GNPDA2: variants seen among roughly 807,000 people sequenced by gnomAD.
GNPDA2 encodes the protein glcN6P deaminase 2.
A neutral mutation model predicts 27.0 loss-of-function variants in GNPDA2; 24 were observed. That is an observed-to-expected ratio of 0.89 (90% CI 0.64 to 1.25). The LOEUF is 1.25. Among genes scored for constraint, GNPDA2 ranks in the 50% most tolerant of loss-of-function variants. The probability of loss-of-function intolerance (pLI) is 0.00; values close to 1 mark genes in which losing one functional copy is unlikely to be tolerated. For missense variants in GNPDA2, 286 were observed against 335.1 expected (o/e 0.85, Z 1.14); for synonymous variants, 94 against 108.4 (o/e 0.87, Z 0.83).
At chr4:44,703,352 A>G in intron 6 of GNPDA2, 1 of 1,346,154 alleles carries the variant, frequency 7.4e-7, no homozygotes, top group Non-Finnish European at 9.5e-7. Context: ...TAATTATGTA[A>G]CAGTGCAGAT....
chr4:44,716,261 G>T (rs1717275347), intron 4 of GNPDA2, among the ~76,000 whole-genome samples: 1 of 151,848 alleles, frequency 6.6e-6, no homozygotes, highest in Non-Finnish European at 1.5e-5. Flanking sequence ...CCTCAGGACA[G>T]CTCTATTGAA....
rs752482453 is a variant in GNPDA2 at position 44,703,149 on chromosome 4, G to GA, written c.770-8dup. On this transcript the variant is annotated splice_region_variant and splice_polypyrimidine_tract_variant and intron_variant, in intron 6 of 6. Transcript: ENST00000295448. The stretch of plus-strand genomic sequence containing the variant: ...TTGTGCACATGCATTAGACCTTAAA[G>GA]AAAAAAAGCACAGTTCTAGTTGTTT... 7 of 1,601,738 alleles carry GA rather than the reference G, an allele frequency of 4.4e-6. No homozygotes were observed. In the South Asian group the frequency reaches 7.9e-5, roughly 18 times the overall value.
At chr4:44,703,660 C>CT in intron 6 of GNPDA2, 1 of 984,260 alleles carries the variant, frequency 1.0e-6, no homozygotes, top group African/African-American at 1.7e-5. Context: ...GGGAGGGTTA[C>CT]TAAAACAAGA....
In GNPDA2 at chr4:44,703,205, A is replaced by T. The variant is rs564508075; in HGVS notation, c.770-63T>A. The T allele has an allele frequency of 1.8e-5, 28 of 1,556,680 alleles. No homozygotes were observed. In the African/African-American group the frequency reaches 3.2e-4, roughly 18 times the overall value. On this transcript the variant is annotated intron_variant, in intron 6 of 6. Transcript: ENST00000295448. ...AATTTTGAACTATCTCATTTACTTTAGACAACAAAGTATTTTTTATAAGAC... is the reference window on the plus strand; with the variant it reads ...AATTTTGAACTATCTCATTTACTTTTGACAACAAAGTATTTTTTATAAGAC...
chr4:44,717,849 G>T (rs528745605), intron 3 of GNPDA2, among the ~76,000 whole-genome samples: 1 of 151,848 alleles, frequency 6.6e-6, no homozygotes, highest in Admixed American at 6.6e-5. Flanking sequence ...ATGCATCACA[G>T]ATTTCAGGTA....
intron 1 of GNPDA2, among the ~76,000 whole-genome samples, chr4:44,724,628 C>A (rs1186740478): frequency 6.6e-6 from 1 of 152,106 alleles, no homozygotes; most frequent in Admixed American, 6.5e-5. Context: ...ATGGTTTCAG[C>A]ATTCCTGAGT....
At chr4:44,704,880 T>G in intron 6 of GNPDA2, 2 of 983,648 alleles carry the variant, frequency 2.0e-6, no homozygotes, top group Non-Finnish European at 2.4e-6. Context: ...ATGATGATGA[T>G]GTCATATACT....
chr4:44,718,580 G>A (rs1717464238), intron 2 of GNPDA2, among the ~76,000 whole-genome samples, 170 bp from the exon 3 acceptor site: 1 of 151,682 alleles, frequency 6.6e-6, no homozygotes, highest in Non-Finnish European at 1.5e-5. Context: ...TGAAATTTTG[G>A]TAAACCAGAA....
At chr4:44,726,236 G>C (rs554766608) in intron 1 of GNPDA2, among the ~76,000 whole-genome samples, 2 of 148,340 alleles carry the variant, frequency 1.3e-5, no homozygotes, top group African/African-American at 5.0e-5. Context: ...AGCCGCGAGA[G>C]AGGAGAGGGC....
chr4:44,705,016 A>G (rs1438964818), intron 6 of GNPDA2: 7 of 979,664 alleles, frequency 7.1e-6, no homozygotes, highest in Non-Finnish European at 8.5e-6. Context: ...ATACCGTTAT[A>G]TAGGTATATA....
intron 1 of GNPDA2, among the ~76,000 whole-genome samples, chr4:44,723,402 C>T (rs908111182): frequency 6.6e-6 from 1 of 152,152 alleles, no homozygotes; most frequent in African/African-American, 2.4e-5. Flanking sequence ...CCCACTCCTA[C>T]TCCCCAACCC....
At chr4:44,716,846 G>A (rs1367920480) in intron 4 of GNPDA2, among the ~76,000 whole-genome samples, 2 of 151,760 alleles carry the variant, frequency 1.3e-5, no homozygotes, top group East Asian at 3.8e-4. Flanking sequence ...ACTTTAAAGA[G>A]GTAATTAACA....
intron 6 of GNPDA2, chr4:44,705,616 A>T (rs1050792100): frequency 3.0e-5 from 8 of 270,272 alleles, no homozygotes; most frequent in African/African-American, 1.8e-4. Flanking sequence ...TTTTGGAAGC[A>T]GTGATTATCA....
chr4:44,703,377 G>C, intron 6 of GNPDA2: 1 of 1,252,630 alleles, frequency 8.0e-7, no homozygotes, highest in African/African-American at 1.6e-5. Flanking sequence ...AATGTGTACA[G>C]GTACTTTGGG....
At chr4:44,716,393 T>C (rs2109712490) in intron 4 of GNPDA2, among the ~76,000 whole-genome samples, 1 of 152,066 alleles carries the variant, frequency 6.6e-6, no homozygotes, top group African/African-American at 2.4e-5. Flanking sequence ...ATTTTGATTT[T>C]AGTTTAGTTG....
chr4:44,717,816 T>A (rs1205914172), intron 3 of GNPDA2, among the ~76,000 whole-genome samples: 2 of 151,914 alleles, frequency 1.3e-5, no homozygotes, highest in African/African-American at 4.8e-5. Flanking sequence ...ATTTCTATAT[T>A]TAAATTTTAA....
At chr4:44,704,185 A>G in intron 6 of GNPDA2, 1 of 984,864 alleles carries the variant, frequency 1.0e-6, no homozygotes. Flanking sequence ...GGGACTCTAA[A>G]GGAGGGAAGG....
intron 6 of GNPDA2, chr4:44,704,147 T>G: frequency 1.0e-6 from 1 of 985,044 alleles, no homozygotes; most frequent in Non-Finnish European, 1.2e-6. Flanking sequence ...AGTGTTTGTG[T>G]AGTAGGAGAA....
intron 5 of GNPDA2, among the ~76,000 whole-genome samples, chr4:44,709,550 G>A (rs1001960396): frequency 3.3e-5 from 5 of 152,132 alleles, no homozygotes; most frequent in Non-Finnish European, 7.4e-5. Context: ...TCAGGCAGAT[G>A]TTGCATTGAT....
Sources: allele counts gnomAD v4.1 joint callset (sites outside exome capture counted in the v4.1 genomes callset), GRCh38; gene constraint gnomAD v4.1.1; transcripts MANE v1.5; gene names NCBI Gene and HGNC (gene_info 2026-07-23, HGNC 2026-07-21).